The following CACNA1C variants were observed in gnomAD, a reference collection of about 807,000 sequenced individuals.
The protein encoded by CACNA1C is voltage-dependent L-type calcium channel subunit alpha-1C.
A neutral mutation model predicts 229.0 loss-of-function variants in CACNA1C; 30 were observed. The ratio of observed to expected loss-of-function variants is 0.13; its 90% CI spans 0.10 to 0.18. CACNA1C has a LOEUF of 0.18. CACNA1C is among the 10% of genes least tolerant of loss of function. CACNA1C has a pLI of 1.00. For missense variants in CACNA1C, 1,658 were observed against 2,845.0 expected, an observed-to-expected ratio of 0.58 and a Z score of 9.49; for synonymous variants, 1,114 against 1,132.5, an observed-to-expected ratio of 0.98 and a Z score of 0.33.
intron 46 of CACNA1C, 176 bp from the exon 47 acceptor site, chr12:2,690,724 C>T (rs559784919): frequency 2.1e-5 from 13 of 615,406 alleles, no homozygotes; most frequent in South Asian, 2.1e-4. Flanking sequence ...GCAGATGCTC[C>T]ATCTCCACTT....
Position 2,688,634 on chromosome 12 carries a change from A to C in CACNA1C, c.5972A>C (p.His1991Pro). Residue 1991 changes from histidine to proline, a missense_variant, in exon 46 of 47, where the codon CAC becomes CCC. This residue lies in a region of CACNA1C where 590 missense variants were observed against 700.8 expected (regional missense o/e 0.84). Transcript: ENST00000399655. Reference protein sequence around the residue: ...EKLNSSFPSIHCGSWAETTPG... With the variant: ...EKLNSSFPSIPCGSWAETTPG... ...CTCAACAGCAGCTTCCCATCCATCC[A>C]CTGCGGCTCCTGGGCTGAGACCACC... The C allele has an allele frequency of 1.2e-6, 2 of 1,613,816 alleles. No homozygotes were observed. The highest frequency in any genetic ancestry group is 1.7e-6 in the Non-Finnish European group (2 of 1,179,842).
intron 1 of CACNA1C, among the ~76,000 whole-genome samples, chr12:2,058,367 T>C (rs566769196): frequency 2.9e-4 from 44 of 152,296 alleles, no homozygotes; most frequent in African/African-American, 9.6e-4. Context: ...TATTTTCCAA[T>C]ATGGACTACA....
chr12:2,318,793 A>G (rs757158826), intron 3 of CACNA1C, among the ~76,000 whole-genome samples: 13 of 150,638 alleles, frequency 8.6e-5, no homozygotes, highest in Non-Finnish European at 1.9e-4. Flanking sequence ...GAAATAGGGC[A>G]GGGAGACAGA....
At chr12:2,582,694 G>A (rs576792635) in intron 14 of CACNA1C, 128 bp from the exon 15 acceptor site, 2 of 944,190 alleles carry the variant, frequency 2.1e-6, no homozygotes, top group South Asian at 3.3e-5. Context: ...TTGGGGGCCA[G>A]GAGGAGGGAA....
At chr12:2,613,430 T>C (rs2078883603) in intron 29 of CACNA1C, 1 of 152,218 alleles carries the variant, frequency 6.6e-6, no homozygotes, top group South Asian at 2.1e-4. Context: ...TCAAGTGTTC[T>C]GCGGGTATTT....
Position 2,512,136 on chromosome 12 carries a change from A to G in CACNA1C, c.1218-676A>G, listed in dbSNP as rs1165150942. The stretch of plus-strand genomic sequence containing the variant: ...GAGGACATTAAATCTCCTGGGTCCC[A>G]AATCAGTGGTATACTGGTAAATATT... On this transcript the variant is annotated intron_variant, in intron 8 of 46. Coordinates refer to ENST00000399655, the MANE Select transcript of CACNA1C (RefSeq NM_000719.7). The surrounding 1 kb of genome is among the most constrained non-coding windows in gnomAD (Gnocchi z 4.3). 6.6e-6 allele frequency among the ~76,000 whole-genome samples: 1 copy of G among 152,196 alleles called. No individual in the cohort carries two copies. Among genetic ancestry groups the G allele is most frequent in the Non-Finnish European group, 1.5e-5 (1 of 68,042 alleles).
At chr12:2,267,806 C>T (rs1180704145) in intron 3 of CACNA1C, among the ~76,000 whole-genome samples, 1 of 152,168 alleles carries the variant, frequency 6.6e-6, no homozygotes, top group Admixed American at 6.5e-5. Context: ...TGCTGGAATT[C>T]CTTCCCTGTG....
At chr12:2,063,820 G>A (rs7134295) in intron 1 of CACNA1C, among the ~76,000 whole-genome samples, 57,608 of 152,056 alleles carry the variant, frequency 0.38, 12,501 homozygotes, top group East Asian at 0.57. Context: ...TTCACCTTTT[G>A]GCTATTGTGA....
At chr12:2,052,806 C>A (rs1417329674), upstream of CACNA1C, among the ~76,000 whole-genome samples, 1 of 145,584 alleles carries the variant, frequency 6.9e-6, no homozygotes, top group Non-Finnish European at 1.5e-5. Context: ...TCCAGTCCGC[C>A]GCCGTGCGCC....
At chr12:2,273,713 G>A (rs1331846640) in intron 3 of CACNA1C, among the ~76,000 whole-genome samples, 2 of 152,190 alleles carry the variant, frequency 1.3e-5, no homozygotes, top group Admixed American at 1.3e-4. Context: ...GATTTCCTAT[G>A]GGCTAAGAGA....
intron 3 of CACNA1C, among the ~76,000 whole-genome samples, chr12:2,262,798 G>T (rs1566751795): frequency 6.6e-6 from 1 of 152,200 alleles, no homozygotes; most frequent in Non-Finnish European, 1.5e-5. Flanking sequence ...CCTTGCCCCT[G>T]CTTTTTAAAT....
intron 3 of CACNA1C, among the ~76,000 whole-genome samples, chr12:2,155,366 A>ACACAC (rs2095504866): frequency 6.6e-6 from 1 of 152,122 alleles, no homozygotes; most frequent in Admixed American, 6.6e-5. Flanking sequence ...TTAGACACAC[A>ACACAC]ATTTTACTTT....
chr12:2,250,729 C>G (rs984311321), intron 3 of CACNA1C, among the ~76,000 whole-genome samples: 4 of 152,204 alleles, frequency 2.6e-5, no homozygotes, highest in African/African-American at 9.7e-5. Context: ...GCACTCATTC[C>G]ATTGTCTAAT....
chr12:2,334,381 CT>C (rs1460127919), intron 3 of CACNA1C, among the ~76,000 whole-genome samples: 8 of 152,302 alleles, frequency 5.3e-5, no homozygotes, highest in African/African-American at 1.7e-4. Context: ...TCATTCTAGG[CT>C]CAAAAGGACA....
intron 1 of CACNA1C, among the ~76,000 whole-genome samples, chr12:2,024,761 A>C (rs1331562718): frequency 2.0e-5 from 3 of 152,192 alleles, no homozygotes; most frequent in African/African-American, 7.2e-5. Flanking sequence ...GAGCATCTGC[A>C]CTCTGACCTG....
chr12:2,616,445 C>T (rs1392240546), intron 29 of CACNA1C, among the ~76,000 whole-genome samples: 1 of 152,220 alleles, frequency 6.6e-6, no homozygotes, highest in Non-Finnish European at 1.5e-5. Flanking sequence ...GAGTTTCTCC[C>T]ACTGTCAGTT....
intron 3 of CACNA1C, among the ~76,000 whole-genome samples, chr12:2,191,296 C>CA (rs956932554): frequency 1.3e-5 from 2 of 152,132 alleles, no homozygotes; most frequent in African/African-American, 4.8e-5. Context: ...GGCCCACACT[C>CA]ACCAGCAGCG....
chr12:2,093,300 C>T (rs928908229), intron 1 of CACNA1C, among the ~76,000 whole-genome samples: 1 of 152,190 alleles, frequency 6.6e-6, no homozygotes, highest in Non-Finnish European at 1.5e-5. Flanking sequence ...GCCTCCCACT[C>T]CCCTGTACCA....
At chr12:2,527,010 A>G (rs2099819580) in intron 9 of CACNA1C, among the ~76,000 whole-genome samples, 1 of 152,216 alleles carries the variant, frequency 6.6e-6, no homozygotes, top group African/African-American at 2.4e-5. Flanking sequence ...TTAAAGGTTT[A>G]TCCTTTCTGA....
Sources: gnomAD v4.1 joint callset for allele counts (sites outside exome capture counted in the v4.1 genomes callset) on GRCh38, gnomAD v4.1.1 for gene constraint, gnomAD v4.1.1 regional missense constraint, Gnocchi (gnomAD v3.1) non-coding constraint, MANE v1.5 for transcripts, NCBI Gene and HGNC (gene_info 2026-07-23, HGNC 2026-07-21) for gene names.